Variants in MED14 observed in about 807,000 individuals in gnomAD.
The protein encoded by MED14 is mediator of RNA polymerase II transcription subunit 14.
A neutral mutation model predicts 109.0 loss-of-function variants in MED14; 8 were observed. That is an observed-to-expected ratio of 0.07 (90% CI 0.04 to 0.13). The LOEUF (loss-of-function observed/expected upper bound fraction) is 0.13, where lower values mean the gene tolerates loss of function less well. Among genes scored for constraint, MED14 ranks in the 10% least tolerant of loss-of-function variants. MED14 has a pLI of 1.00. For missense variants in MED14, 711 were observed against 1,142.4 expected (o/e 0.62, Z 5.44); for synonymous variants, 399 against 408.7 (o/e 0.98, Z 0.29).
intron 26 of MED14, 88 bp from the exon 27 acceptor site, chrX:40,659,695 A>G: frequency 4.4e-6 from 4 of 918,066 alleles, no homozygotes; most frequent in Non-Finnish European, 6.0e-6. Flanking sequence ...GAAAACCACT[A>G]AGTTGATACC....
At chrX:40,686,133 G>A (rs1169429857) in intron 16 of MED14, among the ~76,000 whole-genome samples, 1 of 111,479 alleles carries the variant, frequency 9.0e-6, no homozygotes, top group Non-Finnish European at 1.9e-5. Context: ...ATCCGTTTAT[G>A]TATATTTTCC....
At chrX:40,728,534 TAA>T (rs760328833) in intron 2 of MED14, among the ~76,000 whole-genome samples, 2 of 100,624 alleles carry the variant, frequency 2.0e-5, no homozygotes, top group African/African-American at 3.6e-5. Flanking sequence ...TGATTTGGTA[TAA>T]AAAAAAAAAA....
rs189416554 is a variant in MED14, at chrX:40,680,664, C to T, written c.2610+94G>A. The T allele has an allele frequency of 6.7e-4, 500 of 748,543 alleles. 3 individuals carry two copies. In the African/African-American group the frequency reaches 9.9e-3, roughly 15 times the overall value. The allele number at this position is 748,543 out of a possible 1,213,427, so 61.7% of individuals were successfully genotyped here. A position where few individuals can be genotyped will look rare whatever the true frequency, so the allele number is the denominator to read the frequency against. ...AACTCCTGAGCACAAGCAATCCTTCCGCCTCGGCCTCCCAAAGGGTTGGGA... is the reference window on the plus strand; with the variant it reads ...AACTCCTGAGCACAAGCAATCCTTCTGCCTCGGCCTCCCAAAGGGTTGGGA... On this transcript the variant is annotated intron_variant, in intron 20 of 30. Coordinates refer to ENST00000324817, the MANE Select transcript of MED14 (RefSeq NM_004229.4).
intron 23 of MED14, among the ~76,000 whole-genome samples, chrX:40,670,170 G>A (rs766295579): frequency 1.2e-4 from 13 of 112,227 alleles, no homozygotes; most frequent in Non-Finnish European, 2.4e-4. Flanking sequence ...GAGTGCCTAG[G>A]CAGTGTGGGA....
rs762760727 is a variant in MED14 at position 40,730,976 on chromosome X, C to A, written c.216-1631G>T. ...GACCAGCCTGGGCACACATGGCAACCCCATCTCTACAAATAATACATATTA... is the reference window on the plus strand; with the variant it reads ...GACCAGCCTGGGCACACATGGCAACACCATCTCTACAAATAATACATATTA... On this transcript the variant is annotated intron_variant, in intron 1 of 30. Coordinates refer to ENST00000324817, the MANE Select transcript of MED14 (RefSeq NM_004229.4). Among the ~76,000 whole-genome samples, 4 of 108,186 alleles carry A rather than the reference C, an allele frequency of 3.7e-5. No individual in the cohort carries two copies. In the South Asian group the frequency reaches 1.6e-3, roughly 45 times the overall value. 93.9% of individuals were successfully genotyped at this position (108,186 alleles called of 115,157 possible). A position where few individuals can be genotyped will look rare whatever the true frequency, so the allele number is the denominator to read the frequency against.
At chrX:40,660,721 G>A (rs994305943) in intron 26 of MED14, among the ~76,000 whole-genome samples, 6 of 112,481 alleles carry the variant, frequency 5.3e-5, no homozygotes, top group African/African-American at 1.9e-4. Flanking sequence ...TAGATGGTAA[G>A]TGGCATAGCT....
At chrX:40,678,482 A>G (rs1929992382) in intron 21 of MED14, among the ~76,000 whole-genome samples, 1 of 111,780 alleles carries the variant, frequency 8.9e-6, no homozygotes, top group Non-Finnish European at 1.9e-5. Context: ...CATATTCATA[A>G]CTGCACAAAT....
At chrX:40,705,828 G>A (rs774323368) in intron 10 of MED14, among the ~76,000 whole-genome samples, 5 of 111,579 alleles carry the variant, frequency 4.5e-5, no homozygotes, top group African/African-American at 1.3e-4. Context: ...GAAGGGTAGA[G>A]TACAACATAA....
chrX:40,664,778 A>T (rs1296272142), intron 24 of MED14, among the ~76,000 whole-genome samples: 2 of 112,142 alleles, frequency 1.8e-5, no homozygotes, highest in Non-Finnish European at 3.8e-5. Flanking sequence ...TACTATATGC[A>T]TTAAAATATT....
intron 16 of MED14, among the ~76,000 whole-genome samples, chrX:40,683,685 T>C (rs774814319): frequency 8.9e-6 from 1 of 111,962 alleles, no homozygotes; most frequent in Non-Finnish European, 1.9e-5. Flanking sequence ...AATTCTCCCT[T>C]GCAGTAAAAC....
At chrX:40,681,817 T>C (rs367749282) in intron 19 of MED14, 35 bp downstream of exon 19, 2 of 758,002 alleles carry the variant, frequency 2.6e-6, no homozygotes, top group East Asian at 3.4e-5. Context: ...TTAAGATTCA[T>C]AAGACAGGAA....
intron 30 of MED14, 53 bp from the exon 31 acceptor site, chrX:40,651,932 A>G: frequency 1.8e-6 from 2 of 1,118,461 alleles, no homozygotes; most frequent in Non-Finnish European, 2.4e-6. Flanking sequence ...AAAGATGTTA[A>G]CACACCGGTA....
intron 15 of MED14, 83 bp from the exon 16 acceptor site, chrX:40,688,613 G>A: frequency 3.2e-6 from 2 of 632,545 alleles, no homozygotes; most frequent in Non-Finnish European, 5.2e-6. Flanking sequence ...CTCTATTCTT[G>A]TGGCACCTGT....
intron 2 of MED14, among the ~76,000 whole-genome samples, chrX:40,728,658 C>CT (rs1368116735): frequency 9.0e-6 from 1 of 111,423 alleles, no homozygotes; most frequent in Non-Finnish European, 1.9e-5. Context: ...TCGCTTGTTC[C>CT]TTTGGCCTCT....
At chrX:40,655,415 G>C (rs1929021500) in intron 28 of MED14, among the ~76,000 whole-genome samples, 1 of 111,129 alleles carries the variant, frequency 9.0e-6, no homozygotes, top group South Asian at 3.8e-4. Flanking sequence ...GCTCTTTCCA[G>C]TGGCTGCCTC....
At chrX:40,721,904 A>G (rs1457124912) in intron 3 of MED14, among the ~76,000 whole-genome samples, 1 of 112,592 alleles carries the variant, frequency 8.9e-6, no homozygotes, top group Non-Finnish European at 1.9e-5. Flanking sequence ...CAAGACCATC[A>G]AGGCAGTACC....
chrX:40,691,085 T>A (rs1003268987), intron 15 of MED14, among the ~76,000 whole-genome samples: 4 of 112,044 alleles, frequency 3.6e-5, no homozygotes, highest in Non-Finnish European at 7.5e-5. Flanking sequence ...TGTATCACTT[T>A]TGAGGGGCTA....
intron 16 of MED14, among the ~76,000 whole-genome samples, chrX:40,684,882 A>C (rs1405342851): frequency 1.1e-4 from 12 of 111,856 alleles, no homozygotes; most frequent in Admixed American, 1.0e-3. Flanking sequence ...TCTGTGATGC[A>C]GATACAATGA....
At chrX:40,665,441 G>A (rs1929439374) in intron 24 of MED14, among the ~76,000 whole-genome samples, 2 of 111,199 alleles carry the variant, frequency 1.8e-5, no homozygotes, top group Non-Finnish European at 3.8e-5. Context: ...GTTGAGGCAG[G>A]AGGATCACTT....
Sources: allele counts gnomAD v4.1 joint callset (sites outside exome capture counted in the v4.1 genomes callset), GRCh38; gene constraint gnomAD v4.1.1; transcripts MANE v1.5; gene names NCBI Gene and HGNC (gene_info 2026-07-23, HGNC 2026-07-21).